Variants in L3MBTL1 observed in about 807,000 individuals in gnomAD.
The protein encoded by L3MBTL1 is L3MBTL histone methyl-lysine binding protein 1, also known as lethal(3)malignant brain tumor-like protein 1.
L3MBTL1 carries 75 observed loss-of-function variants against 105.3 expected under a neutral mutation model. That is an observed-to-expected ratio of 0.71 (90% confidence interval 0.59 to 0.86). The LOEUF (loss-of-function observed/expected upper bound fraction) is 0.86, where lower values mean the gene tolerates loss of function less well. Among genes scored for constraint, L3MBTL1 ranks in the 40% least tolerant of loss-of-function variants. The pLI is 0.00. For synonymous variants in L3MBTL1, 452 were observed against 436.2 expected, an observed-to-expected ratio of 1.04 and a Z score of -0.45; for missense variants, 1,069 against 1,126.4, an observed-to-expected ratio of 0.95 and a Z score of 0.73.
At chr20:43,537,779 TG>T (rs1214841023) in intron 19 of L3MBTL1, among the ~76,000 whole-genome samples, 1 of 152,174 alleles carries the variant, frequency 6.6e-6, no homozygotes, top group African/African-American at 2.4e-5. Context: ...TAGTGCACCT[TG>T]GCGAGACCCA....
chr20:43,509,494 T>G (rs2018076533), intron 1 of L3MBTL1, among the ~76,000 whole-genome samples: 1 of 152,220 alleles, frequency 6.6e-6, no homozygotes, highest in South Asian at 2.1e-4. Flanking sequence ...CCCAAAGTGC[T>G]AGGATTACAG....
intron 18 of L3MBTL1, among the ~76,000 whole-genome samples, chr20:43,547,102 C>CTTTTT (rs11478523): frequency 7.3e-5 from 9 of 122,644 alleles, no homozygotes; most frequent in Non-Finnish European, 8.5e-5. Context: ...TTTTTAATGA[C>CTTTTT]TTTTTTTTTT....
intron 15 of L3MBTL1, 174 bp from the exon 16 acceptor site, chr20:43,534,654 T>C (rs982120995): frequency 4.1e-5 from 25 of 613,874 alleles, no homozygotes; most frequent in Non-Finnish European, 6.6e-5. Context: ...AGTAACTTAA[T>C]GAGTGATGCC....
intron 19 of L3MBTL1, among the ~76,000 whole-genome samples, chr20:43,538,761 G>C (rs1473205661): frequency 6.6e-6 from 1 of 152,188 alleles, no homozygotes; most frequent in Non-Finnish European, 1.5e-5. Context: ...TGTGCTCTGG[G>C]GAAGAAAGAT....
In L3MBTL1 at chr20:43,541,175, G is replaced by A. The variant is rs756213706; in HGVS notation, c.*47G>A. 6.3e-7 allele frequency: 1 copy of A among 1,587,360 alleles called. No homozygotes were observed. The highest frequency in any genetic ancestry group is 1.7e-5 in the Admixed American group (1 of 58,586). On this transcript the variant is annotated 3_prime_UTR_variant, in exon 22 of 22. Transcript: ENST00000418998. The stretch of plus-strand genomic sequence containing the variant: ...ATCCAATATAGTTGATAATTAAAGT[G>A]TATTTTGAATGACACAGATATTGTG...
intron 1 of L3MBTL1, among the ~76,000 whole-genome samples, chr20:43,512,045 G>C (rs1485878322): frequency 6.6e-6 from 1 of 152,148 alleles, no homozygotes; most frequent in Non-Finnish European, 1.5e-5. Context: ...AGATTTTCTA[G>C]GGCAAAGTGC....
At position 43,512,864 on chromosome 20, in the gene L3MBTL1, C is replaced by T. The variant is rs150524519; in HGVS notation, c.-28-612C>T. ...TCACGTACTGACTTGACTGCGTCTTCGTACACTATGTCTCTGCTCTTCAGA... is the reference window on the plus strand; with the variant it reads ...TCACGTACTGACTTGACTGCGTCTTTGTACACTATGTCTCTGCTCTTCAGA... On this transcript the variant is annotated intron_variant, in intron 1 of 21. Transcript: ENST00000418998. Among the ~76,000 whole-genome samples the T allele has an allele frequency of 2.0e-4, 30 of 152,360 alleles. No individual in the cohort carries two copies. The East Asian group carries it at 5.2e-3, about 26-fold the overall frequency.
At chr20:43,550,869 TGAA>T (rs1978927903) in exon 19 of L3MBTL1, 2 of 152,200 alleles carry the variant, frequency 1.3e-5, no homozygotes, top group Non-Finnish European at 2.9e-5. Flanking sequence ...AGGTGACTCT[TGAA>T]GGAGAAAAAG....
chr20:43,534,367 G>A lies in L3MBTL1; in HGVS notation c.1683G>A (p.Val561=), dbSNP rs754901993. ...RNPALIRVAS[V]EDVEDHRIKI... ...CAGCCCTGATTCGCGTGGCCAGCGTGGAGGATGTGGAGGACCATCGGATAA... is the reference window on the plus strand; with the variant it reads ...CAGCCCTGATTCGCGTGGCCAGCGTAGAGGATGTGGAGGACCATCGGATAA... Residue 561 remains valine, a synonymous_variant, in exon 15 of 22, where the codon GTG becomes GTA. Coordinates refer to ENST00000418998, the MANE Select transcript of L3MBTL1 (RefSeq NM_001377303.1). 1.2e-6 allele frequency: 2 copies of A among 1,614,110 alleles called. No homozygotes were observed. Among genetic ancestry groups the A allele is most frequent in the Non-Finnish European group, 1.7e-6 (2 of 1,179,986 alleles).
At chr20:43,527,377 C>T (rs1453251805) in intron 7 of L3MBTL1, among the ~76,000 whole-genome samples, 1 of 152,240 alleles carries the variant, frequency 6.6e-6, no homozygotes, top group East Asian at 1.9e-4. Flanking sequence ...GGTCAGCCTA[C>T]ATGTAACTGG....
Position 43,515,159 on chromosome 20 carries a change from G to A in L3MBTL1, c.653G>A (p.Arg218Gln). ...NDGCPQLFQERSVIVENSSGS... is the reference protein window; with the variant it reads ...NDGCPQLFQEQSVIVENSSGS... ...GGCTGCCCTCAGCTGTTCCAGGAGC[G>A]GTAAGGGGAGGAGGTCGCAGCCCTA... Residue 218 changes from arginine to glutamine, a missense_variant and splice_region_variant, in exon 5 of 22, where the codon CGG (arginine) becomes CAG (glutamine). By Grantham distance (43) the Arg-to-Gln change is conservative. Coordinates refer to ENST00000418998, the MANE Select transcript of L3MBTL1 (RefSeq NM_001377303.1). 6.2e-7 allele frequency: 1 copy of A among 1,614,106 alleles called. No homozygotes were observed. Among genetic ancestry groups the A allele is most frequent in the South Asian group, 1.1e-5 (1 of 91,080 alleles).
Position 43,515,274 on chromosome 20 carries a change from A to G in L3MBTL1, c.654-18A>G. ...TGCAGGGCGGGTGGTTCTTTCCCTA[A>G]GGCTGGCCCTTCCTCAGGTCAGTCA... On this transcript the variant is annotated intron_variant, in intron 5 of 21. Transcript: ENST00000418998. 6.2e-7 allele frequency: 1 copy of G among 1,610,746 alleles called. No individual in the cohort carries two copies. The highest frequency in any genetic ancestry group is 1.1e-5 in the South Asian group (1 of 90,612).
At chr20:43,524,566 A>G (rs571609606) in intron 7 of L3MBTL1, among the ~76,000 whole-genome samples, 1 of 152,230 alleles carries the variant, frequency 6.6e-6, no homozygotes, top group South Asian at 2.1e-4. Flanking sequence ...CTGCTGGAGT[A>G]TAGAAAGGTT....
At chr20:43,530,692 G>A (rs6073119) in intron 10 of L3MBTL1, 106 bp from the exon 11 acceptor site, 10 of 1,074,062 alleles carry the variant, frequency 9.3e-6, no homozygotes, top group African/African-American at 4.7e-5. Flanking sequence ...TTGAGGGTTG[G>A]GGGGAGGTCC....
intron 20 of L3MBTL1, 121 bp downstream of exon 20, chr20:43,540,429 A>G: frequency 1.7e-6 from 2 of 1,157,004 alleles, no homozygotes; most frequent in Non-Finnish European, 2.5e-6. Flanking sequence ...CCTCTTGCTC[A>G]TCTGTCCTGT....
intron 5 of L3MBTL1, 37 bp from the exon 6 acceptor site, chr20:43,515,255 G>A: frequency 6.2e-7 from 1 of 1,612,176 alleles, no homozygotes; most frequent in Non-Finnish European, 8.5e-7. Context: ...GTGGTGCAGG[G>A]CGGGTGGTTC....
chr20:43,534,631 AGT>A, intron 15 of L3MBTL1, 195 bp from the exon 16 acceptor site: 1 of 607,992 alleles, frequency 1.6e-6, no homozygotes, highest in Non-Finnish European at 2.9e-6. Context: ...AAGGATTGCC[AGT>A]GGGAGATGCC....
chr20:43,525,114 TA>T (rs11086880), intron 7 of L3MBTL1, among the ~76,000 whole-genome samples: 42,609 of 138,956 alleles, frequency 0.31, 6,422 homozygotes, highest in East Asian at 0.54. Flanking sequence ...CCTGGGGAGT[TA>T]AAAAAAAAAA....
At chr20:43,518,106 C>G (rs1171503322) in intron 7 of L3MBTL1, among the ~76,000 whole-genome samples, 1 of 151,744 alleles carries the variant, frequency 6.6e-6, no homozygotes, top group Non-Finnish European at 1.5e-5. Context: ...AAGCATACTA[C>G]TCACTGTCTC....
Sources: gnomAD v4.1 joint callset for allele counts (sites outside exome capture counted in the v4.1 genomes callset) on GRCh38, gnomAD v4.1.1 for gene constraint, MANE v1.5 for transcripts, NCBI Gene and HGNC (gene_info 2026-07-23, HGNC 2026-07-21) for gene names.